Variants in PWP1 observed in about 807,000 individuals in gnomAD.
The protein encoded by PWP1 is PWP1 homolog, endonuclein.
In PWP1, 47 loss-of-function variants were observed where a neutral mutation model predicts 69.9. The ratio of observed to expected loss-of-function variants is 0.67; its 90% CI spans 0.53 to 0.86. The LOEUF is 0.86. Among genes scored for constraint, PWP1 ranks in the 40% least tolerant of loss-of-function variants. PWP1 has a pLI of 0.00. For missense variants in PWP1, 551 were observed against 608.8 expected (o/e 0.91, Z 1.00); for synonymous variants, 222 against 208.2 (o/e 1.07, Z -0.57).
chr12:107,700,161 G>A (rs1359873268), intron 8 of PWP1, among the ~76,000 whole-genome samples: 1 of 152,190 alleles, frequency 6.6e-6, no homozygotes, highest in Non-Finnish European at 1.5e-5. Context: ...AATTATGGGA[G>A]CTACAATTCA....
intron 3 of PWP1, among the ~76,000 whole-genome samples, chr12:107,691,441 A>G (rs1889477837): frequency 1.3e-5 from 2 of 152,250 alleles, no homozygotes; most frequent in South Asian, 2.1e-4. Context: ...AATGGAACAT[A>G]CACTTTAGGA....
At chr12:107,711,983 T>G in intron 14 of PWP1, 128 bp from the exon 15 acceptor site, 1 of 667,200 alleles carries the variant, frequency 1.5e-6, no homozygotes, top group Non-Finnish European at 2.6e-6. Context: ...TAACTTGGAC[T>G]TCTGAGTTGG....
intron 11 of PWP1, among the ~76,000 whole-genome samples, chr12:107,707,868 C>T (rs1047587535): frequency 1.2e-4 from 18 of 152,016 alleles, no homozygotes; most frequent in Non-Finnish European, 1.5e-4. Flanking sequence ...TCTGTTTTTT[C>T]GTTGTGTCTC....
chr12:107,704,498 T>C (rs1052414411), intron 10 of PWP1, 138 bp from the exon 11 acceptor site: 7 of 597,836 alleles, frequency 1.2e-5, no homozygotes, highest in African/African-American at 3.8e-5. Flanking sequence ...TCATTTTTTT[T>C]CTACTTTATT....
At chr12:107,694,327 T>C (rs1889541847) in intron 5 of PWP1, among the ~76,000 whole-genome samples, 1 of 152,184 alleles carries the variant, frequency 6.6e-6, no homozygotes, top group Non-Finnish European at 1.5e-5. Context: ...TCGAAGAGAT[T>C]ATTAGGCTGA....
Position 107,686,037 on chromosome 12 carries a change from G to T in PWP1, c.72+66G>T, listed in dbSNP as rs192464213. 299 of 1,552,292 alleles carry T rather than the reference G, an allele frequency of 1.9e-4. 1 individual carries two copies. The African/African-American group carries it at 3.5e-3, about 18-fold the overall frequency. On this transcript the variant is annotated intron_variant, in intron 1 of 14. Coordinates refer to ENST00000412830, the MANE Select transcript of PWP1 (RefSeq NM_007062.3). ...TACGGCACTGGGGGTCCGCCCAGCT[G>T]GGGGAACGTGGACCCGGAACTCGGG...
intron 11 of PWP1, among the ~76,000 whole-genome samples, chr12:107,706,559 C>A (rs1306579101): frequency 6.6e-6 from 1 of 152,128 alleles, no homozygotes; most frequent in African/African-American, 2.4e-5. Flanking sequence ...TTTAATCCAT[C>A]TGGAATTAAT....
intron 9 of PWP1, 39 bp downstream of exon 9, chr12:107,703,070 C>A: frequency 7.1e-7 from 1 of 1,416,686 alleles, no homozygotes; most frequent in Non-Finnish European, 9.9e-7. Context: ...TCTTAAAAAT[C>A]GGACACAAAT....
intron 5 of PWP1, 73 bp from the exon 6 acceptor site, chr12:107,696,401 G>T: frequency 6.4e-7 from 1 of 1,567,550 alleles, no homozygotes. Flanking sequence ...AATAGAATTT[G>T]TTTTTTTGAG....
intron 8 of PWP1, among the ~76,000 whole-genome samples, chr12:107,699,720 T>C (rs1412851885): frequency 2.6e-5 from 4 of 152,210 alleles, no homozygotes; most frequent in East Asian, 3.9e-4. Context: ...CATGGTGCAG[T>C]AGGATTGTGT....
chr12:107,698,141 C>T (rs1383662441), intron 7 of PWP1, among the ~76,000 whole-genome samples: 1 of 152,150 alleles, frequency 6.6e-6, no homozygotes, highest in Non-Finnish European at 1.5e-5. Flanking sequence ...GCGGGTGGAT[C>T]ACCTGAGGTC....
At position 107,704,838 on chromosome 12, in the gene PWP1, CTGTTT is replaced by C. The variant is rs752249668; in HGVS notation, c.1077+93_1077+97del. The C allele has an allele frequency of 9.0e-6, 10 of 1,105,244 alleles. No homozygotes were observed. The Admixed American group carries it at 1.6e-4, about 18-fold the overall frequency. 68.5% of individuals were successfully genotyped at this position (1,105,244 alleles called of 1,614,324 possible). ...GAGAGAATTATCTGAAAAGCTTTTT[CTGTTT>C]TAACAGTATGAAGTATTTGGGTTTA... On this transcript the variant is annotated intron_variant, in intron 11 of 14. Transcript: ENST00000412830.
At chr12:107,703,103 C>T (rs1462018035) in intron 9 of PWP1, 72 bp downstream of exon 9, 18 of 1,080,738 alleles carry the variant, frequency 1.7e-5, no homozygotes, top group South Asian at 1.4e-4. Context: ...TAATCCCAAA[C>T]GTTTATATAT....
chr12:107,697,639 A>G, intron 7 of PWP1, 42 bp downstream of exon 7: 1 of 1,571,672 alleles, frequency 6.4e-7, no homozygotes, highest in Non-Finnish European at 8.7e-7. Flanking sequence ...TGACAGAGGT[A>G]AGTTTACTCG....
intron 5 of PWP1, 57 bp from the exon 6 acceptor site, chr12:107,696,417 T>C (rs542846884): frequency 1.9e-6 from 3 of 1,589,202 alleles, no homozygotes; most frequent in South Asian, 2.3e-5. Flanking sequence ...TTGAGCGGGA[T>C]GTGATTTTTG....
chr12:107,701,988 A>G (rs1889720879), intron 8 of PWP1, among the ~76,000 whole-genome samples: 1 of 152,082 alleles, frequency 6.6e-6, no homozygotes, highest in South Asian at 2.1e-4. Context: ...CCATTTGTTA[A>G]GACTTTTTTC....
chr12:107,696,315 G>A (rs1002513101), intron 5 of PWP1, among the ~76,000 whole-genome samples, 159 bp from the exon 6 acceptor site: 3 of 152,016 alleles, frequency 2.0e-5, no homozygotes, highest in Admixed American at 6.5e-5. Flanking sequence ...TTACAGGCAC[G>A]AGCCACTGCG....
chr12:107,696,183 C>T (rs1302645448), intron 5 of PWP1, among the ~76,000 whole-genome samples: 1 of 152,002 alleles, frequency 6.6e-6, no homozygotes. Context: ...CAGGCACGTA[C>T]CACCACACCC....
chr12:107,709,025 G>A lies in PWP1; in HGVS notation c.1168+9G>A, dbSNP rs763710961. 1.1e-4 allele frequency: 180 copies of A among 1,613,638 alleles called. No homozygotes were observed. Among genetic ancestry groups the A allele is most frequent in the Non-Finnish European group, 1.5e-4 (175 of 1,179,770 alleles). Reference sequence around the variant, plus strand: ...CAATGATGAAATCTCTGGTGAGCAAGAGTAATGCTTCTTTCATTTTTCTTA... The same window carrying A: ...CAATGATGAAATCTCTGGTGAGCAAAAGTAATGCTTCTTTCATTTTTCTTA... On this transcript the variant is annotated intron_variant, in intron 12 of 14. Transcript: ENST00000412830.
Sources: gnomAD v4.1 joint callset for allele counts (sites outside exome capture counted in the v4.1 genomes callset) on GRCh38, gnomAD v4.1.1 for gene constraint, MANE v1.5 for transcripts, NCBI Gene and HGNC (gene_info 2026-07-23, HGNC 2026-07-21) for gene names.